Variants in PTCH1 observed in about 807,000 individuals in gnomAD.
PTCH1 encodes patched 1, also known as protein patched homolog 1.
In PTCH1, 14 loss-of-function variants were observed where a neutral mutation model predicts 144.6. The observed-to-expected ratio is 0.10, with a 90% CI of 0.06 to 0.15. The LOEUF is 0.15. PTCH1 is among the 10% of genes least tolerant of loss of function. PTCH1 has a pLI of 1.00. For synonymous variants in PTCH1, 833 were observed against 793.6 expected, an observed-to-expected ratio of 1.05 and a Z score of -0.83; for missense variants, 1,623 against 1,948.3, an observed-to-expected ratio of 0.83 and a Z score of 3.14.
chr9:95,452,987 C>CA (rs1489325783), intron 20 of PTCH1: 3 of 238,052 alleles, frequency 1.3e-5, no homozygotes, highest in Non-Finnish European at 2.5e-5. Flanking sequence ...AGATACTCCC[C>CA]AAGACAGCTC....
At chr9:95,465,512 T>C (rs1314434321) in intron 15 of PTCH1, among the ~76,000 whole-genome samples, 1 of 152,202 alleles carries the variant, frequency 6.6e-6, no homozygotes, top group Non-Finnish European at 1.5e-5. Context: ...TAAATAATAA[T>C]CATGGCATGT....
chr9:95,446,585 T>G, intron 23 of PTCH1, 194 bp from the exon 24 acceptor site: 1 of 464,822 alleles, frequency 2.2e-6, no homozygotes, highest in East Asian at 4.5e-5. Context: ...TGCGTTCCCA[T>G]GTGACCAATT....
intron 2 of PTCH1, among the ~76,000 whole-genome samples, chr9:95,499,491 G>T (rs1843005047): frequency 6.6e-6 from 1 of 151,590 alleles, no homozygotes; most frequent in Admixed American, 6.6e-5. Flanking sequence ...GGCGGGAGAA[G>T]GGGCAGGAGG....
intron 2 of PTCH1, 144 bp downstream of exon 2, chr9:95,506,263 G>T: frequency 5.1e-6 from 5 of 978,966 alleles, no homozygotes; most frequent in Non-Finnish European, 7.3e-6. Flanking sequence ...CCGGCCAGGC[G>T]CCCAAACAAT....
At chr9:95,504,502 C>G (rs182071988) in intron 2 of PTCH1, among the ~76,000 whole-genome samples, 1 of 152,330 alleles carries the variant, frequency 6.6e-6, no homozygotes, top group Non-Finnish European at 1.5e-5. Flanking sequence ...CATCCTCATC[C>G]GATGGCAACA....
At chr9:95,451,186 C>A (rs1346515399) in intron 20 of PTCH1, 1 of 152,216 alleles carries the variant, frequency 6.6e-6, no homozygotes, top group Non-Finnish European at 1.5e-5. Flanking sequence ...TTAGTAAAAA[C>A]CAAGCAGCCA....
At chr9:95,500,482 G>T (rs1319963501) in intron 2 of PTCH1, among the ~76,000 whole-genome samples, 1 of 152,210 alleles carries the variant, frequency 6.6e-6, no homozygotes, top group Non-Finnish European at 1.5e-5. Context: ...AACCATGTAT[G>T]GGGGTCCAGG....
In PTCH1 at chr9:95,508,578, G is replaced by T. The variant is rs1175561047; in HGVS notation, c.-217C>A. On this transcript the variant is annotated 5_prime_UTR_variant, in exon 1 of 24. Coordinates refer to ENST00000331920, the MANE Select transcript of PTCH1 (RefSeq NM_000264.5). ...TGCCGCTGCGGCCGCGGCCGCTGCC[G>T]GGGAGTCAGACCCTGCGCCTTCCAT... 9 of 1,000,626 alleles carry T rather than the reference G, an allele frequency of 9.0e-6. 1 individual carries two copies. The African/African-American group carries it at 1.6e-4, about 17-fold the overall frequency. The allele number at this position is 1,000,626 out of a possible 1,614,324, so 62.0% of individuals were successfully genotyped here.
intron 2 of PTCH1, chr9:95,503,329 G>C (rs1011648628): frequency 6.6e-6 from 1 of 152,170 alleles, no homozygotes; most frequent in African/African-American, 2.4e-5. Context: ...CTGAGGTATA[G>C]GACAGCAGGG....
In PTCH1 at chr9:95,467,192, G is replaced by A. The variant is rs143305989; in HGVS notation, c.2484C>T (p.Asn828=). The A allele has an allele frequency of 2.4e-4, 394 of 1,614,074 alleles. No individual in the cohort carries two copies. Among genetic ancestry groups the A allele is most frequent in the Non-Finnish European group, 2.9e-4 (344 of 1,180,036 alleles). ...TTTCTTCCAACATGACATACTTCACGTTACTGAAACTCCTGTGTAGGTCGT... is the reference window on the plus strand; with the variant it reads ...TTTCTTCCAACATGACATACTTCACATTACTGAAACTCCTGTGTAGGTCGT... ...LLYDLHRSFS[N]VKYVMLEENK... Residue 828 remains asparagine (N), a synonymous_variant, in exon 15 of 24, where the codon AAC becomes AAT. Coordinates refer to ENST00000331920, the MANE Select transcript of PTCH1 (RefSeq NM_000264.5).
Position 95,469,917 on chromosome 9 carries a change from C to T in PTCH1, c.1743G>A (p.Val581=). ...GCAGAACCATGGCAAAATTGAACACCACTACTACCGCTGCCTGGGAGCAGA... is the reference window on the plus strand; with the variant it reads ...GCAGAACCATGGCAAAATTGAACACTACTACTACCGCTGCCTGGGAGCAGA... The part of the protein sequence containing the change: ...RAFSLQAAVV[V]VFNFAMVLLI... The change falls in exon 13 of 24, where the codon GTG becomes GTA. Residue 581 remains valine (V), a synonymous_variant. Coordinates refer to ENST00000331920, the MANE Select transcript of PTCH1 (RefSeq NM_000264.5). 6.2e-7 allele frequency: 1 copy of T among 1,613,928 alleles called. No individual in the cohort carries two copies. The highest frequency in any genetic ancestry group is 8.5e-7 in the Non-Finnish European group (1 of 1,179,894).
chr9:95,516,690 T>A, exon 1 of PTCH1: 1 of 1,612,104 alleles, frequency 6.2e-7, no homozygotes. Flanking sequence ...TTCTTCTTCT[T>A]CTCCTCCTCC....
chr9:95,449,299 G>T lies in PTCH1; in HGVS notation c.3574C>A (p.Arg1192Ser). The T allele has an allele frequency of 6.4e-7, 1 of 1,554,778 alleles. No individual in the cohort carries two copies. Reference sequence around the variant, plus strand: ...GGCTCAGGGGAGGGTGTGGGCAGGCGGTTCAAGCCGTTGGCTGGAGACACC... The same window carrying T: ...GGCTCAGGGGAGGGTGTGGGCAGGCTGTTCAAGCCGTTGGCTGGAGACACC... ...PEVSPANGLNRLPTPSPEPPP... is the reference protein window; with the variant it reads ...PEVSPANGLNSLPTPSPEPPP... Residue 1192 changes from arginine to serine, a missense_variant, in exon 22 of 24, where the codon CGC (arginine) becomes AGC (serine). Around this residue, in one of 7 missense-constraint regions of PTCH1, gnomAD observed 504 missense variants for 679.3 expected, o/e 0.74. Coordinates refer to ENST00000331920, the MANE Select transcript of PTCH1 (RefSeq NM_000264.5). This position sits in a 1 kb window ranked among gnomAD's most constrained non-coding sequence, Gnocchi z 5.3.
intron 19 of PTCH1, 120 bp from the exon 20 acceptor site, chr9:95,453,740 A>ATTACACATTCTAGC: frequency 1.5e-6 from 2 of 1,373,232 alleles, no homozygotes; most frequent in Non-Finnish European, 2.0e-6. Flanking sequence ...TAGTTGCTAG[A>ATTACACATTCTAGC]ATGTGTAATC....
chr9:95,454,643 A>T (rs1206242939), intron 19 of PTCH1, among the ~76,000 whole-genome samples: 1 of 152,260 alleles, frequency 6.6e-6, no homozygotes, highest in East Asian at 1.9e-4. Context: ...CCATGAGGCC[A>T]TAAGGGCCTA....
At chr9:95,460,882 T>C (rs1413821318) in intron 16 of PTCH1, among the ~76,000 whole-genome samples, 1 of 152,140 alleles carries the variant, frequency 6.6e-6, no homozygotes, top group Non-Finnish European at 1.5e-5. Flanking sequence ...CCTGCATCCT[T>C]GGGAAACGTG....
Position 95,476,233 on chromosome 9 carries a change from A to G in PTCH1, c.1603-74T>C, listed in dbSNP as rs1165214402. 1.9e-6 allele frequency: 3 copies of G among 1,560,150 alleles called. No individual in the cohort carries two copies. The highest frequency in any genetic ancestry group is 2.6e-6 in the Non-Finnish European group (3 of 1,155,302). ...CTTGGAGCACAGACTGTGTGAGCAG[A>G]TACGTGGCAGAATAACACAACTGTT... On this transcript the variant is annotated intron_variant, in intron 11 of 23. Transcript: ENST00000331920. The surrounding 1 kb of genome is among the most constrained non-coding windows in gnomAD (Gnocchi z 4.6).
chr9:95,511,325 C>T (rs891193837), upstream of PTCH1, among the ~76,000 whole-genome samples: 1 of 152,136 alleles, frequency 6.6e-6, no homozygotes, highest in Admixed American at 6.5e-5. Context: ...CTCAATCTCC[C>T]CTCCCCCACC....
intron 2 of PTCH1, among the ~76,000 whole-genome samples, chr9:95,486,499 G>A (rs1199151420): frequency 2.6e-5 from 4 of 152,244 alleles, no homozygotes; most frequent in Admixed American, 6.5e-5. Context: ...TCCATCAGAC[G>A]CACCTGGTCA....
Sources: allele counts gnomAD v4.1 joint callset (sites outside exome capture counted in the v4.1 genomes callset), GRCh38; gene constraint gnomAD v4.1.1; regional missense constraint gnomAD v4.1.1; non-coding constraint Gnocchi (gnomAD v3.1); transcripts MANE v1.5; gene names NCBI Gene and HGNC (gene_info 2026-07-23, HGNC 2026-07-21).